Variants in SYTL2 observed in about 807,000 individuals in gnomAD.
The protein encoded by SYTL2 is synaptotagmin-like protein 2.
Under a neutral mutation model 198.7 loss-of-function variants are expected in SYTL2, and 165 were observed. The ratio of observed to expected loss-of-function variants is 0.83; its 90% CI spans 0.73 to 0.94. The LOEUF (loss-of-function observed/expected upper bound fraction) is 0.94. Among genes scored for constraint, SYTL2 ranks in the 40% least tolerant of loss-of-function variants. The probability of loss-of-function intolerance (pLI) is 0.00; values close to 1 mark genes in which losing one functional copy is unlikely to be tolerated. For synonymous variants in SYTL2, 966 were observed against 917.7 expected (o/e 1.05, Z -0.95); for missense variants, 2,835 against 2,582.8 (o/e 1.10, Z -2.12).
intron 1 of SYTL2, among the ~76,000 whole-genome samples, chr11:85,760,242 C>T (rs1219040437): frequency 6.6e-6 from 1 of 152,152 alleles, no homozygotes; most frequent in Non-Finnish European, 1.5e-5. Context: ...TCCCTGCTGA[C>T]CTATAGATAT....
chr11:85,789,524 C>T (rs985692592), intron 1 of SYTL2, among the ~76,000 whole-genome samples: 4 of 150,226 alleles, frequency 2.7e-5, no homozygotes, highest in Middle Eastern at 3.2e-3. Flanking sequence ...TATCTTCCAC[C>T]GCCCCTGGCC....
chr11:85,764,405 C>T (rs1163933978), intron 1 of SYTL2, among the ~76,000 whole-genome samples: 3 of 152,264 alleles, frequency 2.0e-5, no homozygotes, highest in African/African-American at 4.8e-5. Context: ...AGAACACTGG[C>T]GCTCAAGTTA....
At chr11:85,768,039 C>T (rs1439697306) in intron 1 of SYTL2, among the ~76,000 whole-genome samples, 24 of 152,186 alleles carry the variant, frequency 1.6e-4, no homozygotes, top group Admixed American at 1.6e-3. Context: ...GTTAGACACT[C>T]ACTATCAGGG....
intron 11 of SYTL2, 98 bp downstream of exon 11, chr11:85,717,385 T>TAATA (rs1202009197): frequency 1.9e-6 from 2 of 1,027,716 alleles, no homozygotes; most frequent in Non-Finnish European, 3.0e-6. Flanking sequence ...TTAGTGCCAA[T>TAATA]AATAAATACT....
At position 85,709,059 on chromosome 11, in the gene SYTL2, C is replaced by T. The variant is rs1174213308; in HGVS notation, c.5915+272G>A. Among the ~76,000 whole-genome samples the T allele has an allele frequency of 3.9e-5, 6 of 151,932 alleles. No homozygotes were observed. In the South Asian group the frequency reaches 1.0e-3, roughly 26 times the overall value. ...TTCACCATGTTAGCCAGGATGGTCT[C>T]GATCTCCTGACCTTGTGATCCGCCC... On this transcript the variant is annotated intron_variant, in intron 14 of 19. Transcript: ENST00000359152.
intron 1 of SYTL2, among the ~76,000 whole-genome samples, chr11:85,804,593 A>G (rs2092933410): frequency 6.6e-6 from 1 of 152,220 alleles, no homozygotes; most frequent in Non-Finnish European, 1.5e-5. Flanking sequence ...TGATGTAGGT[A>G]TAGTGCTTGG....
Position 85,745,652 on chromosome 11 carries a change from G to A in SYTL2, c.374C>T (p.Ala125Val). Reference sequence around the variant, plus strand: ...TTTGCCTTACCTCGGGCTTGCTGGTGCTGCATCTTCTTCTGGCTCTTCTAC... The same window carrying A: ...TTTGCCTTACCTCGGGCTTGCTGGTACTGCATCTTCTTCTGGCTCTTCTAC... ...GVVEEPEEDAAPASPSSSVVN... is the reference protein window; with the variant it reads ...GVVEEPEEDAVPASPSSSVVN... Residue 125 changes from alanine to valine, a missense_variant, in exon 4 of 20, where the codon GCA becomes GTA. This residue lies in a region of SYTL2 where 2,645 missense variants were observed against 2,381.7 expected (regional missense o/e 1.11). Transcript: ENST00000359152. 1 of 1,613,176 alleles carries A rather than the reference G, an allele frequency of 6.2e-7. No homozygotes were observed. Among genetic ancestry groups the A allele is most frequent in the African/African-American group, 1.3e-5 (1 of 75,032 alleles).
At chr11:85,840,257 T>C in the SYTL2 span, among the ~76,000 whole-genome samples, 23 of 152,176 alleles carry the variant, frequency 1.5e-4, no homozygotes, top group Non-Finnish European at 2.5e-4. Flanking sequence ...ACTTTATTGA[T>C]TGTATTCTTT....
the SYTL2 span, among the ~76,000 whole-genome samples, chr11:85,850,225 G>A: frequency 2.4e-4 from 36 of 149,282 alleles, no homozygotes; most frequent in African/African-American, 6.9e-4. Context: ...CAATCATGTC[G>A]TCTGCAAACA....
At chr11:85,731,042 T>G (rs1056368782) in intron 7 of SYTL2, among the ~76,000 whole-genome samples, 2 of 152,012 alleles carry the variant, frequency 1.3e-5, no homozygotes, top group African/African-American at 4.8e-5. Flanking sequence ...ATGTGAAGGA[T>G]CTCTTCAAGG....
chr11:85,756,845 T>C (rs1003950191), intron 2 of SYTL2, among the ~76,000 whole-genome samples: 6 of 152,202 alleles, frequency 3.9e-5, no homozygotes, highest in Admixed American at 1.3e-4. Context: ...AGTAAGAACA[T>C]ATCTTATGCT....
At chr11:85,761,397 T>C (rs2153559869) in intron 1 of SYTL2, among the ~76,000 whole-genome samples, 1 of 152,112 alleles carries the variant, frequency 6.6e-6, no homozygotes, top group Non-Finnish European at 1.5e-5. Flanking sequence ...AGGTGGGAGT[T>C]GTCTGGCACA....
chr11:85,748,467 A>C, intron 2 of SYTL2, 44 bp from the exon 3 acceptor site: 2 of 1,601,214 alleles, frequency 1.2e-6, no homozygotes, highest in Non-Finnish European at 8.5e-7. Context: ...ACCCACAGTA[A>C]ATAAATGAGT....
At chr11:85,704,804 C>T (rs947443233) in intron 16 of SYTL2, 54 bp downstream of exon 16, 99 of 1,473,098 alleles carry the variant, frequency 6.7e-5, no homozygotes, top group Non-Finnish European at 9.1e-5. Context: ...TTTTCCTATA[C>T]ACTAGGTACC....
chr11:85,726,663 T>C lies in SYTL2; in HGVS notation c.2695A>G (p.Lys899Glu). The stretch of plus-strand genomic sequence containing the variant: ...TTCTTATTCTGAAACAGAGACACTT[T>C]ATCTGATTGCTCAGCTGAAAGATAG... ...RYYLSAEQSD[K>E]VSLFQNKKNE... The change falls in exon 8 of 20, where the codon AAA (lysine) becomes GAA (glutamate). Residue 899 changes from lysine to glutamate, a missense_variant. Around this residue, in one of 3 missense-constraint regions of SYTL2, gnomAD observed 2,645 missense variants for 2,381.7 expected, o/e 1.11. Coordinates refer to ENST00000359152, the MANE Select transcript of SYTL2 (RefSeq NM_206927.4). 1.3e-6 allele frequency: 2 copies of C among 1,536,694 alleles called. No individual in the cohort carries two copies. Among genetic ancestry groups the C allele is most frequent in the Non-Finnish European group, 1.7e-6 (2 of 1,147,022 alleles).
intron 15 of SYTL2, 86 bp downstream of exon 15, chr11:85,707,343 C>A: frequency 1.1e-6 from 1 of 888,834 alleles, no homozygotes; most frequent in Non-Finnish European, 1.8e-6. Flanking sequence ...TGGTGACTGA[C>A]TTTATCCTGT....
chr11:85,824,269 G>A, the SYTL2 span, among the ~76,000 whole-genome samples: 1 of 152,100 alleles, frequency 6.6e-6, no homozygotes, highest in East Asian at 1.9e-4. Context: ...AAACTACAGG[G>A]TCTGAAGGTC....
intron 8 of SYTL2, among the ~76,000 whole-genome samples, chr11:85,721,865 T>A (rs1448703598): frequency 6.6e-6 from 1 of 152,180 alleles, no homozygotes; most frequent in Non-Finnish European, 1.5e-5. Context: ...TCTCTGTGCA[T>A]AATGGCCCAG....
intron 7 of SYTL2, 73 bp downstream of exon 7, chr11:85,733,866 T>G: frequency 1.6e-6 from 2 of 1,259,918 alleles, no homozygotes; most frequent in Non-Finnish European, 2.3e-6. Context: ...CCCAAAGTGC[T>G]GGGATTACAG....
Sources: gnomAD v4.1 joint callset for allele counts (sites outside exome capture counted in the v4.1 genomes callset) on GRCh38, gnomAD v4.1.1 for gene constraint, gnomAD v4.1.1 regional missense constraint, MANE v1.5 for transcripts, NCBI Gene and HGNC (gene_info 2026-07-23, HGNC 2026-07-21) for gene names.